KRTAP1-4: variants seen among roughly 807,000 people sequenced by gnomAD.
KRTAP1-4 encodes the protein keratin-associated protein 1-4.
In KRTAP1-4, 5 loss-of-function variants were observed where a neutral mutation model predicts 8.6. The ratio of observed to expected loss-of-function variants is 0.58; its 90% CI spans 0.30 to 1.23. The LOEUF (loss-of-function observed/expected upper bound fraction) is 1.23. Ranked by LOEUF, KRTAP1-4 falls within the 50% of genes most tolerant of loss-of-function variation. The probability of loss-of-function intolerance (pLI) is 0.07; values close to 1 mark genes in which losing one functional copy is unlikely to be tolerated. For synonymous variants in KRTAP1-4, 50 were observed against 58.9 expected, an observed-to-expected ratio of 0.85 and a Z score of 0.69; for missense variants, 157 against 160.7, an observed-to-expected ratio of 0.98 and a Z score of 0.12.
chr17:41,029,370 C>T lies in KRTAP1-4; in HGVS notation c.*343G>A, dbSNP rs2012398977. On this transcript the variant is annotated 3_prime_UTR_variant, in exon 1 of 1. Coordinates refer to ENST00000377747, the MANE Select transcript of KRTAP1-4 (RefSeq NM_001257305.2). ...ACTCAGTTTGCTTTGCACATTAAAA[C>T]ATTTTATTTGGATTAATCAGAGATA... Among the ~76,000 whole-genome samples, 1 of 152,170 alleles carries T rather than the reference C, an allele frequency of 6.6e-6. No individual in the cohort carries two copies. The highest frequency in any genetic ancestry group is 1.5e-5 in the Non-Finnish European group (1 of 68,036).
Position 41,030,126 on chromosome 17 carries a change from T to C in KRTAP1-4, c.-48A>G. 1 of 1,552,262 alleles carries C rather than the reference T, an allele frequency of 6.4e-7. No homozygotes were observed. The highest frequency in any genetic ancestry group is 8.7e-7 in the Non-Finnish European group (1 of 1,147,094). On this transcript the variant is annotated 5_prime_UTR_variant, in exon 1 of 1. Transcript: ENST00000377747. ...GCTGTGTTAAGAGAGGTTTCTGAGT[T>C]TGGGCTGTACCTTCTATATCTGTCC...
Position 41,029,617 on chromosome 17 carries a change from T to C in KRTAP1-4, c.*96A>G, listed in dbSNP as rs1012368741. Reference sequence around the variant, plus strand: ...TCTGAGCAGCTTAACAACATCATGGTACTTAGCATCCAAGTAAAATCGAAC... The same window carrying C: ...TCTGAGCAGCTTAACAACATCATGGCACTTAGCATCCAAGTAAAATCGAAC... On this transcript the variant is annotated 3_prime_UTR_variant, in exon 1 of 1. Transcript: ENST00000377747. The C allele has an allele frequency of 2.3e-5, 33 of 1,440,474 alleles. No homozygotes were observed. The highest frequency in any genetic ancestry group is 3.0e-5 in the Non-Finnish European group (33 of 1,089,878). 89.2% of individuals were successfully genotyped at this position (1,440,474 alleles called of 1,614,324 possible).
Position 41,029,606 on chromosome 17 carries a change from CA to C in KRTAP1-4, c.*106del. ...GTTTCATTATCTCTGAGCAGCTTAA[CA>C]ACATCATGGTACTTAGCATCCAAGT... On this transcript the variant is annotated 3_prime_UTR_variant, in exon 1 of 1. Coordinates refer to ENST00000377747, the MANE Select transcript of KRTAP1-4 (RefSeq NM_001257305.2). 2 of 1,426,814 alleles carry C rather than the reference CA, an allele frequency of 1.4e-6. No individual in the cohort carries two copies. 88.4% of individuals were successfully genotyped at this position (1,426,814 alleles called of 1,614,324 possible). A position where few individuals can be genotyped will look rare whatever the true frequency, so the allele number is the denominator to read the frequency against.
Position 41,029,553 on chromosome 17 carries a change from C to G in KRTAP1-4, c.*160G>C. ...TGATACATCTTTCAGTAAGTGAATT[C>G]GGCACATCCACAGTGTCCTAACTAG... On this transcript the variant is annotated 3_prime_UTR_variant, in exon 1 of 1. Coordinates refer to ENST00000377747, the MANE Select transcript of KRTAP1-4 (RefSeq NM_001257305.2). 1 of 1,113,242 alleles carries G rather than the reference C, an allele frequency of 9.0e-7. No individual in the cohort carries two copies. Among genetic ancestry groups the G allele is most frequent in the Non-Finnish European group, 1.2e-6 (1 of 807,832 alleles). 69.0% of individuals were successfully genotyped at this position (1,113,242 alleles called of 1,614,324 possible).
chr17:41,029,995 G>C lies in KRTAP1-4; in HGVS notation c.84C>G (p.Ser28Arg), dbSNP rs754797854. ...TTCCGCAGGAGCTGGTCTGGCAGCA[G>C]CTTGGCTGGCAGCAGCTAGTTTCAC... ...SCCETSCCQP[S>R]CCQTSSCGTG... The change falls in exon 1 of 1, where the codon AGC (serine) becomes AGG (arginine). Residue 28 changes from serine to arginine, a missense_variant. Coordinates refer to ENST00000377747, the MANE Select transcript of KRTAP1-4 (RefSeq NM_001257305.2). 3.4e-5 allele frequency: 55 copies of C among 1,610,240 alleles called. No homozygotes were observed. The highest frequency in any genetic ancestry group is 1.7e-4 in the Middle Eastern group (1 of 5,814).
rs2143759444 is a variant in KRTAP1-4 at position 41,029,565 on chromosome 17, A to C, written c.*148T>G. Reference sequence around the variant, plus strand: ...CAGTAAGTGAATTCGGCACATCCACAGTGTCCTAACTAGGAGTTTCATTAT... The same window carrying C: ...CAGTAAGTGAATTCGGCACATCCACCGTGTCCTAACTAGGAGTTTCATTAT... On this transcript the variant is annotated 3_prime_UTR_variant, in exon 1 of 1. Coordinates refer to ENST00000377747, the MANE Select transcript of KRTAP1-4 (RefSeq NM_001257305.2). 8.2e-7 allele frequency: 1 copy of C among 1,214,226 alleles called. No homozygotes were observed. The highest frequency in any genetic ancestry group is 1.1e-6 in the Non-Finnish European group (1 of 894,492). The allele number at this position is 1,214,226 out of a possible 1,614,324, so 75.2% of individuals were successfully genotyped here.
In KRTAP1-4 at chr17:41,030,011, C is replaced by T. The variant is rs1418688403; in HGVS notation, c.68G>A (p.Ser23Asn). The change falls in exon 1 of 1, where the codon AGC becomes AAC. Residue 23 changes from serine (S) to asparagine (N), a missense_variant. Coordinates refer to ENST00000377747, the MANE Select transcript of KRTAP1-4 (RefSeq NM_001257305.2). ...SCCQPSCCET[S>N]CCQPSCCQTS... ...CTGGCAGCAGCTTGGCTGGCAGCAG[C>T]TAGTTTCACAGCAGCTTGGCTGGCA... 7 of 1,611,112 alleles carry T rather than the reference C, an allele frequency of 4.3e-6. No homozygotes were observed. Among genetic ancestry groups the T allele is most frequent in the East Asian group, 4.5e-5 (2 of 44,824 alleles).
rs1261623855 is a variant in KRTAP1-4 at position 41,029,728 on chromosome 17, A to G, written c.351T>C (p.Cys117=). 1 of 1,559,536 alleles carries G rather than the reference A, an allele frequency of 6.4e-7. No individual in the cohort carries two copies. The highest frequency in any genetic ancestry group is 8.7e-7 in the Non-Finnish European group (1 of 1,150,568). ...AACCTGGCTTTTAGCAGGTGGGCTC[A>G]CAGCAGTGGCAGCAGCAGGCTGGGC... ...CCRPACCCHC[C]EPTC Residue 117 remains cysteine, a synonymous_variant, in exon 1 of 1, where the codon TGT becomes TGC. Transcript: ENST00000377747.
chr17:41,030,105 T>G lies in KRTAP1-4; in HGVS notation c.-27A>C. The G allele has an allele frequency of 1.3e-6, 2 of 1,562,696 alleles. No homozygotes were observed. The highest frequency in any genetic ancestry group is 8.7e-7 in the Non-Finnish European group (1 of 1,152,730). On this transcript the variant is annotated 5_prime_UTR_variant, in exon 1 of 1. Transcript: ENST00000377747. ...GTGTCAGGAGTTGGGTTGAGAGCTGTGTTAAGAGAGGTTTCTGAGTTTGGG... is the reference window on the plus strand; with the variant it reads ...GTGTCAGGAGTTGGGTTGAGAGCTGGGTTAAGAGAGGTTTCTGAGTTTGGG...
rs1383522502 is a variant in KRTAP1-4, at chr17:41,030,098, A to G, written c.-20T>C. On this transcript the variant is annotated 5_prime_UTR_variant, in exon 1 of 1. Coordinates refer to ENST00000377747, the MANE Select transcript of KRTAP1-4 (RefSeq NM_001257305.2). ...GGCCATGGTGTCAGGAGTTGGGTTG[A>G]GAGCTGTGTTAAGAGAGGTTTCTGA... 3 of 1,568,302 alleles carry G rather than the reference A, an allele frequency of 1.9e-6. No individual in the cohort carries two copies. The South Asian group carries it at 3.5e-5, about 18-fold the overall frequency.
At position 41,030,065 on chromosome 17, in the gene KRTAP1-4, G is replaced by A. The variant is rs763223040; in HGVS notation, c.14C>T (p.Ser5Phe). The A allele has an allele frequency of 6.3e-7, 1 of 1,595,646 alleles. No homozygotes were observed. The highest frequency in any genetic ancestry group is 1.1e-5 in the South Asian group (1 of 88,158). Residue 5 changes from serine (S) to phenylalanine (F), a missense_variant, in exon 1 of 1, where the codon TCC becomes TTC. Physicochemically the swap from Ser to Phe is radical, Grantham distance 155. Coordinates refer to ENST00000377747, the MANE Select transcript of KRTAP1-4 (RefSeq NM_001257305.2). ...GCTGGAGCCACAGGTCCCACTGGTG[G>A]AACAGCTGGCCATGGTGTCAGGAGT... MASCSTSGTCGSSCC... is the reference protein window; with the variant it reads MASCFTSGTCGSSCC...
rs191325013 is a variant in KRTAP1-4, at chr17:41,029,614, T to C, written c.*99A>G. ...ATCTCTGAGCAGCTTAACAACATCA[T>C]GGTACTTAGCATCCAAGTAAAATCG... On this transcript the variant is annotated 3_prime_UTR_variant, in exon 1 of 1. Transcript: ENST00000377747. 5.1e-5 allele frequency: 73 copies of C among 1,437,174 alleles called. No individual in the cohort carries two copies. The Admixed American group carries it at 6.8e-4, about 13-fold the overall frequency. 89.0% of individuals were successfully genotyped at this position (1,437,174 alleles called of 1,614,324 possible). A position where few individuals can be genotyped will look rare whatever the true frequency, so the allele number is the denominator to read the frequency against.
chr17:41,030,041 C>A lies in KRTAP1-4; in HGVS notation c.38G>T (p.Ser13Ile), dbSNP rs769894567. Reference protein sequence around the residue: ...SCSTSGTCGSSCCQPSCCETS... With the variant: ...SCSTSGTCGSICCQPSCCETS... ...TTCACAGCAGCTTGGCTGGCAGCAGCTGGAGCCACAGGTCCCACTGGTGGA... is the reference window on the plus strand; with the variant it reads ...TTCACAGCAGCTTGGCTGGCAGCAGATGGAGCCACAGGTCCCACTGGTGGA... Residue 13 changes from serine (S) to isoleucine (I), a missense_variant, in exon 1 of 1, where the codon AGC (serine) becomes ATC (isoleucine). Transcript: ENST00000377747. The A allele has an allele frequency of 6.8e-6, 11 of 1,606,466 alleles. No individual in the cohort carries two copies. The highest frequency in any genetic ancestry group is 9.3e-6 in the Non-Finnish European group (11 of 1,176,998).
rs867982217 is a variant in KRTAP1-4, at chr17:41,029,864, G to T, written c.215C>A (p.Thr72Asn). Residue 72 changes from threonine to asparagine, a missense_variant, in exon 1 of 1, where the codon ACC (threonine) becomes AAC (asparagine). Coordinates refer to ENST00000377747, the MANE Select transcript of KRTAP1-4 (RefSeq NM_001257305.2). The part of the protein sequence containing the change: ...WCHPDCHVEG[T>N]CLPPCYLVSC... ...TACCAGGTAGCAGGGGGGCAGGCAGGTGCCCTCCACGTGGCAATCTGGGTG... is the reference window on the plus strand; with the variant it reads ...TACCAGGTAGCAGGGGGGCAGGCAGTTGCCCTCCACGTGGCAATCTGGGTG... 3 of 1,608,910 alleles carry T rather than the reference G, an allele frequency of 1.9e-6. No homozygotes were observed. Among genetic ancestry groups the T allele is most frequent in the African/African-American group, 1.3e-5 (1 of 74,950 alleles).
chr17:41,029,968 G>T lies in KRTAP1-4; in HGVS notation c.111C>A (p.Thr37=), dbSNP rs8073323. ...CAATGCCACCACCAATGCCACAGCC[G>T]GTTCCGCAGGAGCTGGTCTGGCAGC... ...PSCCQTSSCG[T]GCGIGGGIGY... The change falls in exon 1 of 1, where the codon ACC becomes ACA. Residue 37 remains threonine (T), a synonymous_variant. Coordinates refer to ENST00000377747, the MANE Select transcript of KRTAP1-4 (RefSeq NM_001257305.2). The T allele has an allele frequency of 8.7e-6, 14 of 1,610,158 alleles. No individual in the cohort carries two copies. Among genetic ancestry groups the T allele is most frequent in the African/African-American group, 8.0e-5 (6 of 74,802 alleles).
rs774298518 is a variant in KRTAP1-4 at position 41,029,947 on chromosome 17, G to A, written c.132C>T (p.Gly44=). 2 of 1,610,004 alleles carry A rather than the reference G, an allele frequency of 1.2e-6. No individual in the cohort carries two copies. The highest frequency in any genetic ancestry group is 1.7e-5 in the Admixed American group (1 of 59,446). Residue 44 remains glycine, a synonymous_variant, in exon 1 of 1, where the codon GGC becomes GGT. Coordinates refer to ENST00000377747, the MANE Select transcript of KRTAP1-4 (RefSeq NM_001257305.2). ...CGCTGCCCTCCTGGCCATAGCCAAT[G>A]CCACCACCAATGCCACAGCCGGTTC... ...SCGTGCGIGG[G]IGYGQEGSGG... is the part of the protein sequence containing the mutation.
rs765839406 is a variant in KRTAP1-4, at chr17:41,030,117, T to C, written c.-39A>G. The C allele has an allele frequency of 1.3e-6, 2 of 1,555,434 alleles. No homozygotes were observed. The highest frequency in any genetic ancestry group is 4.8e-5 in the East Asian group (2 of 41,468). On this transcript the variant is annotated 5_prime_UTR_variant, in exon 1 of 1. Coordinates refer to ENST00000377747, the MANE Select transcript of KRTAP1-4 (RefSeq NM_001257305.2). ...GGGTTGAGAGCTGTGTTAAGAGAGG[T>C]TTCTGAGTTTGGGCTGTACCTTCTA...
rs2012405349 is a variant in KRTAP1-4 at position 41,029,668 on chromosome 17, T to C, written c.*45A>G. 2 of 1,487,708 alleles carry C rather than the reference T, an allele frequency of 1.3e-6. No homozygotes were observed. The highest frequency in any genetic ancestry group is 5.1e-5 in the Admixed American group (2 of 38,916). 92.2% of individuals were successfully genotyped at this position (1,487,708 alleles called of 1,614,324 possible). A position where few individuals can be genotyped will look rare whatever the true frequency, so the allele number is the denominator to read the frequency against. ...AGTTCTTCAGAAATCAGCACAATTT[T>C]GCTGTGCTTCCCCTTTCATTCTTAA... On this transcript the variant is annotated 3_prime_UTR_variant, in exon 1 of 1. Coordinates refer to ENST00000377747, the MANE Select transcript of KRTAP1-4 (RefSeq NM_001257305.2).
rs2012404419 is a variant in KRTAP1-4 at position 41,029,622 on chromosome 17, A to G, written c.*91T>C. 4.9e-6 allele frequency: 7 copies of G among 1,434,248 alleles called. No individual in the cohort carries two copies. The East Asian group carries it at 1.2e-4, about 26-fold the overall frequency. 88.8% of individuals were successfully genotyped at this position (1,434,248 alleles called of 1,614,324 possible). On this transcript the variant is annotated 3_prime_UTR_variant, in exon 1 of 1. Coordinates refer to ENST00000377747, the MANE Select transcript of KRTAP1-4 (RefSeq NM_001257305.2). ...GCAGCTTAACAACATCATGGTACTT[A>G]GCATCCAAGTAAAATCGAACAGTTC...
Sources: gnomAD v4.1 joint callset for allele counts (sites outside exome capture counted in the v4.1 genomes callset) on GRCh38, gnomAD v4.1.1 for gene constraint, MANE v1.5 for transcripts, NCBI Gene and HGNC (gene_info 2026-07-23, HGNC 2026-07-21) for gene names.